The following ROBO1 variants were observed in gnomAD, a reference collection of about 807,000 sequenced individuals.
The protein encoded by ROBO1 is roundabout guidance receptor 1.
ROBO1 carries 149 observed loss-of-function variants against 195.9 expected under a neutral mutation model. The ratio of observed to expected loss-of-function variants is 0.76; its 90% confidence interval spans 0.67 to 0.87. The LOEUF is 0.87. Ranked by LOEUF, ROBO1 falls within the 40% of genes least tolerant of loss-of-function variation. The pLI is 0.00. For missense variants in ROBO1, 1,933 were observed against 2,068.3 expected (o/e 0.93, Z 1.27); for synonymous variants, 816 against 733.2 (o/e 1.11, Z -1.82).
intron 2 of ROBO1, among the ~76,000 whole-genome samples, chr3:79,190,772 A>T (rs1439114602): frequency 2.6e-5 from 4 of 151,616 alleles, no homozygotes; most frequent in African/African-American, 7.3e-5. Context: ...TAAGCTTTTT[A>T]AAAAAATGTT....
intron 4 of ROBO1, among the ~76,000 whole-genome samples, chr3:78,883,657 G>A (rs953202203): frequency 6.6e-6 from 1 of 152,092 alleles, no homozygotes; most frequent in Non-Finnish European, 1.5e-5. Flanking sequence ...ACAGTGCCCT[G>A]CTAAACATAT....
At chr3:78,681,041 G>A (rs2080891355) in intron 10 of ROBO1, among the ~76,000 whole-genome samples, 1 of 151,812 alleles carries the variant, frequency 6.6e-6, no homozygotes, top group Non-Finnish European at 1.5e-5. Flanking sequence ...TAGGGACATG[G>A]ATGAAATTGG....
intron 19 of ROBO1, among the ~76,000 whole-genome samples, chr3:78,651,347 C>T (rs1706647037): frequency 6.6e-6 from 1 of 152,016 alleles, no homozygotes; most frequent in South Asian, 2.1e-4. Context: ...ACAATGTCTC[C>T]CCTGAAACCA....
intron 3 of ROBO1, among the ~76,000 whole-genome samples, chr3:79,029,718 A>G (rs921834879): frequency 6.6e-6 from 1 of 152,194 alleles, no homozygotes; most frequent in African/African-American, 2.4e-5. Context: ...GGGTAACTCC[A>G]ATTTATCTTT....
chr3:79,724,770 T>G (rs1702846689), intron 1 of ROBO1, among the ~76,000 whole-genome samples: 3 of 152,218 alleles, frequency 2.0e-5, no homozygotes. Context: ...TCACAGAAAG[T>G]GTGAGATAAA....
intron 1 of ROBO1, among the ~76,000 whole-genome samples, chr3:79,667,531 A>T (rs932869950): frequency 1.6e-4 from 24 of 151,924 alleles, no homozygotes; most frequent in Admixed American, 1.3e-4. Context: ...ATACTGAGCA[A>T]CATCACTTTA....
intron 4 of ROBO1, among the ~76,000 whole-genome samples, chr3:78,824,851 T>C (rs546690715): frequency 6.6e-6 from 1 of 152,266 alleles, no homozygotes; most frequent in South Asian, 2.1e-4. Context: ...TATTAGGCAA[T>C]GTTTGAATTC....
intron 2 of ROBO1, among the ~76,000 whole-genome samples, chr3:79,253,948 T>G (rs1305885689): frequency 6.6e-6 from 1 of 152,166 alleles, no homozygotes; most frequent in Admixed American, 6.5e-5. Flanking sequence ...GCAACATGAT[T>G]TAACGTCTCT....
intron 3 of ROBO1, among the ~76,000 whole-genome samples, chr3:79,114,000 C>T (rs577122240): frequency 2.0e-5 from 3 of 152,244 alleles, no homozygotes; most frequent in African/African-American, 7.2e-5. Flanking sequence ...GTGTTTCACC[C>T]ATACTGTTCT....
At chr3:79,350,297 C>T (rs1254607261) in intron 2 of ROBO1, among the ~76,000 whole-genome samples, 1 of 152,146 alleles carries the variant, frequency 6.6e-6, no homozygotes, top group Non-Finnish European at 1.5e-5. Context: ...CAGACTATAG[C>T]ATATGTTGGT....
At chr3:78,822,899 G>A (rs549854990) in intron 4 of ROBO1, among the ~76,000 whole-genome samples, 15 of 152,198 alleles carry the variant, frequency 9.9e-5, no homozygotes, top group South Asian at 2.1e-4. Flanking sequence ...CCAGTCCTAG[G>A]AAAAAATTAT....
At chr3:79,028,643 A>G (rs890383487) in intron 3 of ROBO1, among the ~76,000 whole-genome samples, 5 of 151,984 alleles carry the variant, frequency 3.3e-5, no homozygotes, top group African/African-American at 1.2e-4. Context: ...AAATTACTCA[A>G]TTGTTTGAAG....
chr3:79,692,227 T>C (rs1947319002), intron 1 of ROBO1, among the ~76,000 whole-genome samples: 1 of 151,882 alleles, frequency 6.6e-6, no homozygotes, highest in Non-Finnish European at 1.5e-5. Flanking sequence ...AAGCAGGAAG[T>C]ATCCATAGGC....
chr3:78,636,216 C>A, intron 22 of ROBO1, 108 bp from the exon 23 acceptor site: 1 of 731,022 alleles, frequency 1.4e-6, no homozygotes, highest in Non-Finnish European at 2.2e-6. Flanking sequence ...ATGTAAAGTA[C>A]AAGTGGGCTT....
At chr3:78,904,165 A>G (rs1487978699) in intron 4 of ROBO1, among the ~76,000 whole-genome samples, 1 of 151,792 alleles carries the variant, frequency 6.6e-6, no homozygotes, top group South Asian at 2.1e-4. Context: ...ATACACATAT[A>G]TTCAGTTTTT....
chr3:78,735,706 T>C (rs572542394), intron 5 of ROBO1, among the ~76,000 whole-genome samples: 2 of 152,170 alleles, frequency 1.3e-5, no homozygotes, highest in Non-Finnish European at 2.9e-5. Flanking sequence ...ATACTAAATT[T>C]AGAACACAAA....
At chr3:78,769,400 T>G (rs535415236) in intron 4 of ROBO1, among the ~76,000 whole-genome samples, 46 of 152,340 alleles carry the variant, frequency 3.0e-4, no homozygotes, top group Admixed American at 2.7e-3. Flanking sequence ...GCTTTTGGTG[T>G]CCATTTGCAT....
intron 3 of ROBO1, among the ~76,000 whole-genome samples, chr3:78,995,460 A>G (rs1199374161): frequency 6.6e-6 from 1 of 152,120 alleles, no homozygotes; most frequent in Non-Finnish European, 1.5e-5. Flanking sequence ...AAAGCCTTCT[A>G]AAGTGATCTC....
rs1265022021 is a variant in ROBO1 at position 78,608,266 on chromosome 3, C to CA, written c.4436-1226_4436-1225insT. 9.7e-3 allele frequency among the ~76,000 whole-genome samples: 1,472 copies of CA among 152,032 alleles called. 25 individuals carry two copies. Among genetic ancestry groups the CA allele is most frequent in the African/African-American group, 0.033 (1,351 of 41,484 alleles). Reference sequence around the variant, plus strand: ...AACTGGGACTACATGCCACCACACCCGATTAACTTTTGTAGTTTTTGTAGA... The same window carrying CA: ...AACTGGGACTACATGCCACCACACCCAGATTAACTTTTGTAGTTTTTGTAGA... On this transcript the variant is annotated intron_variant, in intron 28 of 30. Coordinates refer to ENST00000464233, the MANE Select transcript of ROBO1 (RefSeq NM_002941.4).
Sources: allele counts gnomAD v4.1 joint callset (sites outside exome capture counted in the v4.1 genomes callset), GRCh38; gene constraint gnomAD v4.1.1; transcripts MANE v1.5; gene names NCBI Gene and HGNC (gene_info 2026-07-23, HGNC 2026-07-21).